The following DENND1A variants were observed in gnomAD, a reference collection of about 807,000 sequenced individuals.
DENND1A encodes the protein DENN domain containing 1A.
In DENND1A, 51 loss-of-function variants were observed where a neutral mutation model predicts 113.7. The ratio of observed to expected loss-of-function variants is 0.45; its 90% CI spans 0.36 to 0.57. DENND1A has a LOEUF of 0.57. DENND1A is among the 20% of genes least tolerant of loss of function. The probability of loss-of-function intolerance (pLI) is 0.00; values close to 1 mark genes in which losing one functional copy is unlikely to be tolerated. For missense variants in DENND1A, 1,258 were observed against 1,395.9 expected (o/e 0.90, Z 1.57); for synonymous variants, 565 against 570.8 (o/e 0.99, Z 0.14).
intron 2 of DENND1A, among the ~76,000 whole-genome samples, chr9:123,808,384 CT>C (rs777273959): frequency 0.012 from 1,703 of 136,480 alleles, 5 homozygotes; most frequent in Admixed American, 0.014. Context: ...CAATAATTTG[CT>C]TTTTTTTTTT....
At chr9:123,805,477 A>G (rs74828203) in intron 2 of DENND1A, among the ~76,000 whole-genome samples, 1,984 of 150,818 alleles carry the variant, frequency 0.013, 49 homozygotes, top group African/African-American at 0.046. Context: ...TCTGTCACCC[A>G]AGATGGACTG....
intron 9 of DENND1A, among the ~76,000 whole-genome samples, chr9:123,645,730 T>C (rs1263916689): frequency 2.0e-5 from 3 of 152,220 alleles, no homozygotes; most frequent in African/African-American, 7.2e-5. Flanking sequence ...TACATATTCA[T>C]AGATTTCAAA....
intron 15 of DENND1A, among the ~76,000 whole-genome samples, chr9:123,455,776 G>A (rs4836926): frequency 0.89 from 134,769 of 152,170 alleles, 59,937 homozygotes; most frequent in East Asian, 0.94. Context: ...GAATAAGTGA[G>A]CTCAGTTTAA....
chr9:123,712,244 T>TAG (rs1344369248), intron 5 of DENND1A, among the ~76,000 whole-genome samples: 1 of 152,252 alleles, frequency 6.6e-6, no homozygotes, highest in Non-Finnish European at 1.5e-5. Context: ...TCACCCTCAG[T>TAG]ATCTGATCTT....
intron 3 of DENND1A, among the ~76,000 whole-genome samples, chr9:123,790,820 C>T (rs1832888770): frequency 6.6e-6 from 1 of 152,240 alleles, no homozygotes; most frequent in Non-Finnish European, 1.5e-5. Context: ...ATACACTCTC[C>T]TTAAACGCAC....
chr9:123,906,121 G>A (rs1175082120), intron 1 of DENND1A, among the ~76,000 whole-genome samples: 8 of 151,988 alleles, frequency 5.3e-5, no homozygotes, highest in Non-Finnish European at 8.8e-5. Context: ...GATACATAAC[G>A]CAATGAAGGC....
chr9:123,591,874 A>G (rs2059473983), intron 11 of DENND1A, among the ~76,000 whole-genome samples: 1 of 152,238 alleles, frequency 6.6e-6, no homozygotes, highest in South Asian at 2.1e-4. Flanking sequence ...TAAAATTAGC[A>G]TGATTAATTA....
intron 2 of DENND1A, among the ~76,000 whole-genome samples, chr9:123,796,752 T>TACACACAC (rs1191964519): frequency 4.7e-5 from 5 of 107,192 alleles, no homozygotes; most frequent in Middle Eastern, 4.5e-3. Context: ...CTCCTATGTG[T>TACACACAC]ACATACACAC....
intron 11 of DENND1A, among the ~76,000 whole-genome samples, chr9:123,584,216 C>T (rs2059055709): frequency 6.6e-6 from 1 of 152,224 alleles, no homozygotes; most frequent in Admixed American, 6.5e-5. Context: ...AAGAGCCTAT[C>T]ATTTGCTGTC....
chr9:123,834,813 T>G (rs73666300), intron 2 of DENND1A, among the ~76,000 whole-genome samples: 3,591 of 152,302 alleles, frequency 0.024, 158 homozygotes, highest in African/African-American at 0.081. Flanking sequence ...ACCAAAACAC[T>G]AAATTGTTTA....
intron 1 of DENND1A, among the ~76,000 whole-genome samples, chr9:123,885,806 G>A (rs1848986705): frequency 6.6e-6 from 1 of 152,060 alleles, no homozygotes; most frequent in Admixed American, 6.6e-5. Flanking sequence ...TTTCGAGATA[G>A]TCTCACTCTG....
chr9:123,766,572 T>C (rs1828852433), intron 4 of DENND1A, among the ~76,000 whole-genome samples: 1 of 152,184 alleles, frequency 6.6e-6, no homozygotes, highest in Non-Finnish European at 1.5e-5. Context: ...CTCTATATAT[T>C]TGGTGACTGG....
chr9:123,762,120 A>G (rs2131500735), intron 4 of DENND1A, among the ~76,000 whole-genome samples: 1 of 152,316 alleles, frequency 6.6e-6, no homozygotes, highest in Middle Eastern at 3.4e-3. Context: ...ACGCTGCACT[A>G]AACACAATGA....
At chr9:123,413,260 C>T (rs368688772) in intron 19 of DENND1A, 5 of 325,806 alleles carry the variant, frequency 1.5e-5, no homozygotes, top group African/African-American at 2.2e-5. Flanking sequence ...GAATGTCAGA[C>T]GCCTCAGTAA....
At chr9:123,682,187 C>G (rs1369020571) in intron 5 of DENND1A, among the ~76,000 whole-genome samples, 1 of 152,106 alleles carries the variant, frequency 6.6e-6, no homozygotes, top group Non-Finnish European at 1.5e-5. Flanking sequence ...TTCACAAAAC[C>G]AAAATAATGC....
intron 21 of DENND1A, chr9:123,401,475 G>T: frequency 8.5e-7 from 1 of 1,169,940 alleles, no homozygotes; most frequent in Non-Finnish European, 1.1e-6. Context: ...TTGGAATGAT[G>T]TCCTGAAACG....
chr9:123,914,544 C>CA (rs1290774207), intron 1 of DENND1A, among the ~76,000 whole-genome samples: 16,255 of 64,872 alleles, frequency 0.25, 2,875 homozygotes, highest in African/African-American at 0.49. Flanking sequence ...GACTCCATCT[C>CA]AAAAAAAAAA....
At chr9:123,733,212 C>A (rs2068309698) in intron 5 of DENND1A, among the ~76,000 whole-genome samples, 1 of 151,996 alleles carries the variant, frequency 6.6e-6, no homozygotes, top group Non-Finnish European at 1.5e-5. Flanking sequence ...AACTCCCAAC[C>A]TCAGGTGACC....
chr9:123,797,676 T>C (rs1407457536), intron 2 of DENND1A, among the ~76,000 whole-genome samples: 2 of 152,168 alleles, frequency 1.3e-5, no homozygotes, highest in African/African-American at 2.4e-5. Flanking sequence ...TTGTAATAAC[T>C]AAACACAATT....
Sources: gnomAD v4.1 joint callset for allele counts (sites outside exome capture counted in the v4.1 genomes callset) on GRCh38, gnomAD v4.1.1 for gene constraint, MANE v1.5 for transcripts, NCBI Gene and HGNC (gene_info 2026-07-23, HGNC 2026-07-21) for gene names.